The following PTPRD variants were observed in gnomAD, a reference collection of about 807,000 sequenced individuals.
PTPRD encodes the protein receptor-type tyrosine-protein phosphatase delta.
In PTPRD, 34 loss-of-function variants were observed where a neutral mutation model predicts 214.5. That is an observed-to-expected ratio of 0.16 (90% confidence interval 0.12 to 0.21). PTPRD has a LOEUF of 0.21. PTPRD is among the 10% of genes least tolerant of loss of function. The pLI is 1.00. For synonymous variants in PTPRD, 1,128 were observed against 845.7 expected (o/e 1.33, Z -5.79); for missense variants, 2,545 against 2,398.7 (o/e 1.06, Z -1.27).
At chr9:9,495,702 C>G (rs1212090663) in intron 8 of PTPRD, among the ~76,000 whole-genome samples, 1 of 152,176 alleles carries the variant, frequency 6.6e-6, no homozygotes. Context: ...TCTGCTTTCA[C>G]TATCCTTCAA....
At chr9:8,737,239 C>T (rs962806758) in intron 11 of PTPRD, among the ~76,000 whole-genome samples, 4 of 152,164 alleles carry the variant, frequency 2.6e-5, no homozygotes, top group African/African-American at 9.7e-5. Flanking sequence ...TATAAACATA[C>T]ATATTTATCC....
intron 5 of PTPRD, among the ~76,000 whole-genome samples, chr9:9,848,752 A>T (rs371208465): frequency 6.6e-6 from 1 of 152,138 alleles, no homozygotes; most frequent in African/African-American, 2.4e-5. Flanking sequence ...ACAATTTTCA[A>T]AAGTGTGCTC....
chr9:9,613,984 G>A (rs1376412784), intron 7 of PTPRD, among the ~76,000 whole-genome samples: 4 of 152,056 alleles, frequency 2.6e-5, no homozygotes, highest in Non-Finnish European at 4.4e-5. Context: ...GTCTCCTCAC[G>A]GTCCTCATCA....
rs1036924076 is a variant in PTPRD, at chr9:10,029,140, G to C, written c.-472+4578C>G. ...GAGCCTGTGACTACACAGAAGTCAA[G>C]AACTGGAGTTTGGGAACCTCTGCCT... On this transcript the variant is annotated intron_variant, in intron 4 of 45. Transcript: ENST00000381196. 3.9e-5 allele frequency among the ~76,000 whole-genome samples: 6 copies of C among 152,348 alleles called. 1 individual carries two copies. The highest frequency in any genetic ancestry group is 1.4e-4 in the African/African-American group (6 of 41,582).
Position 8,518,152 on chromosome 9 carries a change from T to A in PTPRD, c.1239A>T (p.Ser413=), listed in dbSNP as rs2097820380. 1.2e-6 allele frequency: 2 copies of A among 1,614,188 alleles called. No homozygotes were observed. Among genetic ancestry groups the A allele is most frequent in the African/African-American group, 2.7e-5 (2 of 75,052 alleles). The part of the protein sequence containing the change: ...PPSEPVLTQT[S]EQAPSSAPRD... The stretch of plus-strand genomic sequence containing the variant: ...TCGGGGCACTGGATGGTGCTTGCTC[T>A]GAGGTTTGTGTTAGCACAGGTTCGC... Residue 413 remains serine (S), a synonymous_variant, in exon 21 of 46, where the codon TCA becomes TCT. Transcript: ENST00000381196.
At chr9:9,047,871 T>C in intron 10 of PTPRD, among the ~76,000 whole-genome samples, 1 of 151,970 alleles carries the variant, frequency 6.6e-6, no homozygotes, top group East Asian at 1.9e-4. Flanking sequence ...AAAGCAGAAA[T>C]GGACAAATTG....
intron 10 of PTPRD, among the ~76,000 whole-genome samples, chr9:9,032,248 C>G (rs1003669586): frequency 5.3e-5 from 8 of 151,948 alleles, no homozygotes; most frequent in African/African-American, 1.9e-4. Context: ...TGAAAGTGAT[C>G]TTTTTGAAAC....
chr9:9,647,345 G>C (rs372240020), intron 7 of PTPRD, among the ~76,000 whole-genome samples: 1 of 151,430 alleles, frequency 6.6e-6, no homozygotes, highest in Non-Finnish European at 1.5e-5. Context: ...CTGTTTCCTT[G>C]TTTCTACTGG....
intron 19 of PTPRD, among the ~76,000 whole-genome samples, chr9:8,522,610 A>C (rs1424237059): frequency 6.6e-6 from 1 of 152,214 alleles, no homozygotes; most frequent in Non-Finnish European, 1.5e-5. Context: ...GATCATATTA[A>C]AGCAACATAA....
At chr9:9,413,439 T>G (rs2076129985) in intron 8 of PTPRD, among the ~76,000 whole-genome samples, 1 of 152,198 alleles carries the variant, frequency 6.6e-6, no homozygotes, top group Non-Finnish European at 1.5e-5. Flanking sequence ...TAAATCATGT[T>G]TCTACATTTA....
chr9:10,190,464 T>C (rs1016363677), intron 3 of PTPRD, among the ~76,000 whole-genome samples: 6 of 128,166 alleles, frequency 4.7e-5, no homozygotes, highest in African/African-American at 1.7e-4. Context: ...ATGCCTGTAA[T>C]CCCAGTACTT....
chr9:10,147,336 C>T (rs1376180988), intron 3 of PTPRD, among the ~76,000 whole-genome samples: 4 of 151,984 alleles, frequency 2.6e-5, no homozygotes, highest in Non-Finnish European at 4.4e-5. Flanking sequence ...CATATGTATA[C>T]ATGTGCCATG....
chr9:8,773,259 C>T (rs952631552), intron 11 of PTPRD, among the ~76,000 whole-genome samples: 1 of 151,930 alleles, frequency 6.6e-6, no homozygotes, highest in Non-Finnish European at 1.5e-5. Flanking sequence ...ATCTCCAGAG[C>T]TCTTTCTGTA....
intron 2 of PTPRD, among the ~76,000 whole-genome samples, chr9:10,394,069 T>G (rs112094231): frequency 0.14 from 20,780 of 144,124 alleles, 3,949 homozygotes; most frequent in African/African-American, 0.44. Context: ...TATATATATA[T>G]ATATATAGAG....
chr9:8,330,652 C>CAGCTAGGGACTTTAAACA (rs1839439235), intron 44 of PTPRD, among the ~76,000 whole-genome samples: 1 of 151,890 alleles, frequency 6.6e-6, no homozygotes, highest in Non-Finnish European at 1.5e-5. Context: ...GACTTTAAAC[C>CAGCTAGGGACTTTAAACA]TCAGCTAAGA....
chr9:8,571,093 G>A (rs948876725), intron 14 of PTPRD, among the ~76,000 whole-genome samples: 6 of 151,908 alleles, frequency 3.9e-5, no homozygotes, highest in East Asian at 3.9e-4. Context: ...GAGCTTCCAC[G>A]GCATATTCCA....
At chr9:8,932,452 C>T (rs1019397809) in intron 11 of PTPRD, among the ~76,000 whole-genome samples, 4 of 152,124 alleles carry the variant, frequency 2.6e-5, no homozygotes, top group Admixed American at 2.6e-4. Context: ...GTTCAGTTTC[C>T]ATGTAGTTGT....
chr9:9,553,740 A>T (rs1444084269), intron 8 of PTPRD, among the ~76,000 whole-genome samples: 1 of 152,088 alleles, frequency 6.6e-6, no homozygotes, highest in African/African-American at 2.4e-5. Context: ...GAAAATATTA[A>T]GTTTTATACT....
chr9:9,212,050 C>T (rs543565229), intron 9 of PTPRD, among the ~76,000 whole-genome samples: 1 of 151,960 alleles, frequency 6.6e-6, no homozygotes, highest in Non-Finnish European at 1.5e-5. Flanking sequence ...TTTATAAGAA[C>T]AATAGCATCA....
Sources: allele counts gnomAD v4.1 joint callset (sites outside exome capture counted in the v4.1 genomes callset), GRCh38; gene constraint gnomAD v4.1.1; transcripts MANE v1.5; gene names NCBI Gene and HGNC (gene_info 2026-07-23, HGNC 2026-07-21).